GALNT3: variants seen among roughly 807,000 people sequenced by gnomAD.
GALNT3 encodes the protein polypeptide N-acetylgalactosaminyltransferase 3.
Under a neutral mutation model 69.8 loss-of-function variants are expected in GALNT3, and 51 were observed. That is an observed-to-expected ratio of 0.73 (90% CI 0.58 to 0.92). GALNT3 has a LOEUF of 0.92. GALNT3 is among the 40% of genes least tolerant of loss of function. The probability of loss-of-function intolerance (pLI) is 0.00; values close to 1 mark genes in which losing one functional copy is unlikely to be tolerated. For missense variants in GALNT3, 711 were observed against 760.0 expected, an observed-to-expected ratio of 0.94 and a Z score of 0.76; for synonymous variants, 265 against 248.5, an observed-to-expected ratio of 1.07 and a Z score of -0.63.
At chr2:165,792,983 T>C (rs1277913382) in intron 1 of GALNT3, among the ~76,000 whole-genome samples, 4 of 152,204 alleles carry the variant, frequency 2.6e-5, no homozygotes, top group Non-Finnish European at 5.9e-5. Context: ...GTGTAACTTC[T>C]ATAGCAAGTT....
At chr2:165,784,501 A>G (rs965330737) in intron 1 of GALNT3, among the ~76,000 whole-genome samples, 1 of 152,156 alleles carries the variant, frequency 6.6e-6, no homozygotes, top group Non-Finnish European at 1.5e-5. Flanking sequence ...TGTGGAGGCT[A>G]CAGAGGTTGT....
Position 165,770,640 on chromosome 2 carries a change from A to T in GALNT3, c.61T>A (p.Trp21Arg). Residue 21 changes from tryptophan (W) to arginine (R), a missense_variant, in exon 2 of 11, where the codon TGG (tryptophan) becomes AGG (arginine). Physicochemically the swap from Trp to Arg is moderately radical, Grantham distance 101 (BLOSUM62 -3). Transcript: ENST00000392701. The part of the protein sequence containing the change: ...HIKRHYHKKF[W>R]KLGAVIFFFI... ...AAAAAAATTACTGCACCAAGCTTCC[A>T]GAACTTTTTATGGTAATGTCTTTTA... 1 of 1,601,696 alleles carries T rather than the reference A, an allele frequency of 6.2e-7. No individual in the cohort carries two copies. The highest frequency in any genetic ancestry group is 8.5e-7 in the Non-Finnish European group (1 of 1,176,672).
At position 165,759,505 on chromosome 2, in the gene GALNT3, C is replaced by A. The variant is rs765239589; in HGVS notation, c.904G>T (p.Val302Leu). Residue 302 changes from valine to leucine, a missense_variant, in exon 5 of 11, where the codon GTA becomes TTA. Transcript: ENST00000392701. ...TCTATGGATGCAATATCTGGACTTA[C>A]GACAGCCGTGTAGTTCTCAGCTATT... ...ARIAENYTAVVSPDIASIDLN... is the reference protein window; with the variant it reads ...ARIAENYTAVLSPDIASIDLN... The A allele has an allele frequency of 1.4e-5, 23 of 1,614,014 alleles. No individual in the cohort carries two copies. In the South Asian group the frequency reaches 2.2e-4, roughly 15 times the overall value.
At position 165,770,192 on chromosome 2, in the gene GALNT3, G is replaced by A. The variant is rs1688723543; in HGVS notation, c.509C>T (p.Pro170Leu). 3 of 1,614,048 alleles carry A rather than the reference G, an allele frequency of 1.9e-6. No individual in the cohort carries two copies. ...TAAATATTCTTCAACATACTCAGGA[G>A]GTCGAGTGTCTGGTCCAAGATCTCG... ...LHRDLGPDTR[P>L]PECIEQKFKR... Residue 170 changes from proline (P) to leucine (L), a missense_variant, in exon 2 of 11, where the codon CCT becomes CTT. Coordinates refer to ENST00000392701, the MANE Select transcript of GALNT3 (RefSeq NM_004482.4).
intron 1 of GALNT3, among the ~76,000 whole-genome samples, chr2:165,776,608 A>C (rs891455013): frequency 6.6e-6 from 1 of 152,188 alleles, no homozygotes; most frequent in Admixed American, 6.5e-5. Flanking sequence ...TGAATTCCTA[A>C]GAGTGAAATT....
At chr2:165,769,407 AAAT>A (rs35161167) in intron 2 of GALNT3, among the ~76,000 whole-genome samples, 34,882 of 131,118 alleles carry the variant, frequency 0.27, 4,565 homozygotes, top group Middle Eastern at 0.35. Flanking sequence ...CTCCATCTCA[AAAT>A]AATAATAATA....
chr2:165,774,989 A>T (rs925329682), intron 1 of GALNT3, among the ~76,000 whole-genome samples: 5 of 139,234 alleles, frequency 3.6e-5, no homozygotes, highest in Non-Finnish European at 3.0e-5. Flanking sequence ...TCCCAAACTC[A>T]AGGGATCCTC....
rs13033285 is a variant in GALNT3 at position 165,761,463 on chromosome 2, C to A, written c.838+442G>T. ...CTGACCTCAAATGATTCACCAACGCCGGCCTCCCAAAGTGCTGGGATTACA... is the reference window on the plus strand; with the variant it reads ...CTGACCTCAAATGATTCACCAACGCAGGCCTCCCAAAGTGCTGGGATTACA... On this transcript the variant is annotated intron_variant, in intron 4 of 10. Transcript: ENST00000392701. Among the ~76,000 whole-genome samples the A allele has an allele frequency of 3.3e-5, 5 of 152,186 alleles. No individual in the cohort carries two copies. The South Asian group carries it at 6.2e-4, about 19-fold the overall frequency.
In GALNT3 at chr2:165,748,860, G is replaced by C. The variant is rs770232352; in HGVS notation, c.1823C>G (p.Ala608Gly). Residue 608 changes from alanine (A) to glycine (G), a missense_variant, in exon 11 of 11, where the codon GCA becomes GGA. Transcript: ENST00000392701. ...CACTAAACTTGGATGCTCTCCATTT[G>C]CTGAAAGGCACATTTTTAAGAATGG... is the stretch of plus-strand genomic sequence containing the variant. ...YNPFLKMCLS[A>G]NGEHPSLVSC... 3.5e-5 allele frequency: 57 copies of C among 1,610,810 alleles called. No individual in the cohort carries two copies. The South Asian group carries it at 6.2e-4, about 17-fold the overall frequency.
chr2:165,761,656 C>T lies in GALNT3; in HGVS notation c.838+249G>A, dbSNP rs1012912560. On this transcript the variant is annotated intron_variant, in intron 4 of 10. Coordinates refer to ENST00000392701, the MANE Select transcript of GALNT3 (RefSeq NM_004482.4). ...AGGCAAGGATAACTGGCTGGAACAG[C>T]TAGTAACTGGAGAACACTGAAGTTG... 31 of 681,998 alleles carry T rather than the reference C, an allele frequency of 4.5e-5. No homozygotes were observed. In the South Asian group the frequency reaches 4.9e-4, roughly 11 times the overall value. 42.2% of individuals were successfully genotyped at this position (681,998 alleles called of 1,614,324 possible).
At chr2:165,782,484 G>A (rs1683130247) in intron 1 of GALNT3, among the ~76,000 whole-genome samples, 1 of 152,102 alleles carries the variant, frequency 6.6e-6, no homozygotes, top group Non-Finnish European at 1.5e-5. Context: ...TGTGGCCCAT[G>A]GGCCACAGGT....
At position 165,757,071 on chromosome 2, in the gene GALNT3, T is replaced by C. The variant is rs1171973706; in HGVS notation, c.1368A>G (p.Thr456=). 6.2e-7 allele frequency: 1 copy of C among 1,613,748 alleles called. No homozygotes were observed. The highest frequency in any genetic ancestry group is 1.3e-5 in the African/African-American group (1 of 74,926). Residue 456 remains threonine (T), a synonymous_variant, in exon 7 of 11, where the codon ACA becomes ACG. Transcript: ENST00000392701. ...EYKEIFYRRN[T]DAAKIVKQKA... is the part of the protein sequence containing the mutation. ...CTTGTTTAACAATTTTTGCTGCATC[T>C]GTATTTCTCCTATAAAATATTTCCT...
intron 1 of GALNT3, among the ~76,000 whole-genome samples, chr2:165,781,680 T>C (rs940982859): frequency 1.3e-5 from 2 of 152,136 alleles, no homozygotes; most frequent in Non-Finnish European, 2.9e-5. Context: ...TGGGGCTGAT[T>C]TATCACCTTC....
intron 1 of GALNT3, among the ~76,000 whole-genome samples, chr2:165,779,871 C>T (rs1042291312): frequency 1.2e-4 from 19 of 152,192 alleles, no homozygotes; most frequent in African/African-American, 4.6e-4. Context: ...TCTGTATTCA[C>T]CATGCCCTTA....
At chr2:165,779,406 C>T (rs1226544988) in intron 1 of GALNT3, among the ~76,000 whole-genome samples, 1 of 152,206 alleles carries the variant, frequency 6.6e-6, no homozygotes, top group East Asian at 1.9e-4. Context: ...TGCACCCTCT[C>T]CCACACACTG....
chr2:165,753,471 A>C (rs370858224), intron 9 of GALNT3, among the ~76,000 whole-genome samples: 1 of 151,884 alleles, frequency 6.6e-6, no homozygotes, highest in African/African-American at 2.4e-5. Context: ...AGTCTCATTC[A>C]ATGCCCTTTT....
chr2:165,781,335 C>T (rs72883341), intron 1 of GALNT3, among the ~76,000 whole-genome samples: 17,129 of 152,148 alleles, frequency 0.11, 1,412 homozygotes, highest in Non-Finnish European at 0.16. Flanking sequence ...GGTGCAGTGG[C>T]TCATGCCTGT....
chr2:165,772,584 C>CAAAAA (rs375725339), intron 1 of GALNT3, among the ~76,000 whole-genome samples: 38 of 66,906 alleles, frequency 5.7e-4, no homozygotes, highest in South Asian at 4.0e-3. Flanking sequence ...GACTCTGTCT[C>CAAAAA]AAAAAAAAAA....
chr2:165,774,626 G>A (rs373868784), intron 1 of GALNT3, among the ~76,000 whole-genome samples: 2 of 152,106 alleles, frequency 1.3e-5, no homozygotes, highest in East Asian at 1.9e-4. Flanking sequence ...AGTTTGGGAT[G>A]CTTCTGATAA....
Sources: gnomAD v4.1 joint callset for allele counts (sites outside exome capture counted in the v4.1 genomes callset) on GRCh38, gnomAD v4.1.1 for gene constraint, MANE v1.5 for transcripts, NCBI Gene and HGNC (gene_info 2026-07-23, HGNC 2026-07-21) for gene names.